The following PRKCE variants were observed in gnomAD, a reference collection of about 807,000 sequenced individuals.
PRKCE encodes protein kinase C epsilon type.
Under a neutral mutation model 85.4 loss-of-function variants are expected in PRKCE, and 16 were observed. The ratio of observed to expected loss-of-function variants is 0.19; its 90% CI spans 0.13 to 0.28. PRKCE has a LOEUF of 0.28. Among genes scored for constraint, PRKCE ranks in the 10% least tolerant of loss-of-function variants. PRKCE has a pLI of 1.00. For missense variants in PRKCE, 573 were observed against 975.2 expected (o/e 0.59, Z 5.49); for synonymous variants, 388 against 371.5 (o/e 1.04, Z -0.51).
intron 2 of PRKCE, among the ~76,000 whole-genome samples, chr2:45,960,645 C>T (rs1334856179): frequency 1.3e-5 from 2 of 152,222 alleles, no homozygotes; most frequent in African/African-American, 4.8e-5. Flanking sequence ...TGCTGTGCAG[C>T]CAGGTTCCTA....
chr2:46,114,144 C>T (rs750300715), intron 11 of PRKCE, among the ~76,000 whole-genome samples: 3 of 152,084 alleles, frequency 2.0e-5, no homozygotes, highest in Non-Finnish European at 4.4e-5. Flanking sequence ...ACAGAAGAAC[C>T]CTGCGGTTCT....
intron 11 of PRKCE, among the ~76,000 whole-genome samples, chr2:46,143,687 C>T (rs1275795835): frequency 2.0e-5 from 3 of 152,212 alleles, no homozygotes; most frequent in Non-Finnish European, 2.9e-5. Flanking sequence ...GCCTTGACCA[C>T]ACACAGTGGC....
chr2:45,877,473 T>C (rs11900867), intron 2 of PRKCE, among the ~76,000 whole-genome samples: 28,619 of 152,094 alleles, frequency 0.19, 3,447 homozygotes, highest in East Asian at 0.42. Flanking sequence ...CTTTCCATAG[T>C]TTATTCTGAA....
chr2:46,026,834 C>T (rs1266518669), intron 10 of PRKCE, among the ~76,000 whole-genome samples: 4 of 152,078 alleles, frequency 2.6e-5, no homozygotes, highest in African/African-American at 9.7e-5. Flanking sequence ...TATAAAACCC[C>T]CAAACAGGCG....
chr2:46,126,420 A>C (rs1241142611), intron 11 of PRKCE, among the ~76,000 whole-genome samples: 1 of 152,042 alleles, frequency 6.6e-6, no homozygotes, highest in African/African-American at 2.4e-5. Flanking sequence ...ACCCCTTAGG[A>C]GGGGCACTGA....
Position 45,960,075 on chromosome 2 carries a change from A to G in PRKCE, c.413-16354A>G, listed in dbSNP as rs570741249. Among the ~76,000 whole-genome samples the G allele has an allele frequency of 3.3e-5, 5 of 152,346 alleles. No homozygotes were observed. The South Asian group carries it at 6.2e-4, about 19-fold the overall frequency. The stretch of plus-strand genomic sequence containing the variant: ...AGCATTTGGGAAGGAAAGTTCACTT[A>G]AAAAATCTTTAGACCACCTGTTAGA... On this transcript the variant is annotated intron_variant, in intron 2 of 14. Coordinates refer to ENST00000306156, the MANE Select transcript of PRKCE (RefSeq NM_005400.3).
chr2:45,886,093 G>A (rs1288331432), intron 2 of PRKCE, among the ~76,000 whole-genome samples: 3 of 152,124 alleles, frequency 2.0e-5, no homozygotes, highest in Non-Finnish European at 2.9e-5. Context: ...CTGACCCCAC[G>A]TTTGCTGGCA....
chr2:45,879,187 G>T (rs532904649), intron 2 of PRKCE, among the ~76,000 whole-genome samples: 1 of 152,334 alleles, frequency 6.6e-6, no homozygotes, highest in East Asian at 1.9e-4. Flanking sequence ...AGAAGAAGCA[G>T]CTGAATGTCA....
At chr2:46,096,565 CACAAGG>C (rs1354018339) in intron 11 of PRKCE, among the ~76,000 whole-genome samples, 2 of 152,130 alleles carry the variant, frequency 1.3e-5, no homozygotes, top group Admixed American at 1.3e-4. Context: ...CACAGACAAG[CACAAGG>C]GAAGACCTTG....
intron 14 of PRKCE, among the ~76,000 whole-genome samples, chr2:46,164,590 C>T (rs985745341): frequency 8.5e-5 from 13 of 152,252 alleles, no homozygotes; most frequent in South Asian, 2.1e-4. Context: ...TGACCCGGGG[C>T]GGGGGGTGCC....
At chr2:45,703,771 A>T (rs1678880268) in intron 1 of PRKCE, among the ~76,000 whole-genome samples, 1 of 152,236 alleles carries the variant, frequency 6.6e-6, no homozygotes, top group Non-Finnish European at 1.5e-5. Context: ...TTTAAAAGAC[A>T]ATAATTGGGC....
chr2:46,120,613 A>C (rs1380851450), intron 11 of PRKCE, among the ~76,000 whole-genome samples: 1 of 152,216 alleles, frequency 6.6e-6, no homozygotes, highest in Non-Finnish European at 1.5e-5. Context: ...CAGGTTTTTC[A>C]GACCCTGGAG....
At position 45,652,097 on chromosome 2, in the gene PRKCE, G is replaced by A. The variant is rs893058632; in HGVS notation, c.-4G>A. The A allele has an allele frequency of 4.7e-6, 3 of 633,678 alleles. No individual in the cohort carries two copies. The highest frequency in any genetic ancestry group is 9.7e-5 in the East Asian group (2 of 20,706). The allele number at this position is 633,678 out of a possible 1,614,324, so 39.3% of individuals were successfully genotyped here. A position where few individuals can be genotyped will look rare whatever the true frequency, so the allele number is the denominator to read the frequency against. On this transcript the variant is annotated 5_prime_UTR_variant, in exon 1 of 15. Transcript: ENST00000306156. This position sits in a 1 kb window ranked among gnomAD's most constrained non-coding sequence, Gnocchi z 7.7. ...GACCCCGGCCCCCACTCCCCGCCCC[G>A]ACCATGGTAGTGTTCAATGGCCTTC...
At chr2:45,795,562 A>G (rs567616388) in intron 1 of PRKCE, among the ~76,000 whole-genome samples, 11 of 152,190 alleles carry the variant, frequency 7.2e-5, no homozygotes, top group South Asian at 6.2e-4. Context: ...CACCCTCCTC[A>G]GCCTTCCAAA....
At chr2:45,968,300 G>C (rs1358729064) in intron 2 of PRKCE, among the ~76,000 whole-genome samples, 1 of 152,094 alleles carries the variant, frequency 6.6e-6, no homozygotes, top group Non-Finnish European at 1.5e-5. Context: ...AATAAAGTAT[G>C]AAATAATGTC....
At chr2:45,940,316 G>C (rs1699783560) in intron 2 of PRKCE, among the ~76,000 whole-genome samples, 1 of 152,214 alleles carries the variant, frequency 6.6e-6, no homozygotes, top group Non-Finnish European at 1.5e-5. Flanking sequence ...GAGTAGGCAA[G>C]ATGAGCTACT....
intron 2 of PRKCE, among the ~76,000 whole-genome samples, chr2:45,955,659 C>T (rs950436838): frequency 6.6e-6 from 1 of 152,084 alleles, no homozygotes; most frequent in Non-Finnish European, 1.5e-5. Context: ...ATCTCAAAAA[C>T]AAACCCCCAC....
At chr2:45,713,454 T>C (rs1299894059) in intron 1 of PRKCE, among the ~76,000 whole-genome samples, 1 of 152,176 alleles carries the variant, frequency 6.6e-6, no homozygotes, top group Non-Finnish European at 1.5e-5. Flanking sequence ...ATTGGGAGGC[T>C]GAGCCCACAG....
chr2:45,715,650 T>C (rs1330509809), intron 1 of PRKCE, among the ~76,000 whole-genome samples: 1 of 152,154 alleles, frequency 6.6e-6, no homozygotes, highest in Non-Finnish European at 1.5e-5. Context: ...AAGTCCCTTT[T>C]AAAAACAACA....
Sources: allele counts gnomAD v4.1 joint callset (sites outside exome capture counted in the v4.1 genomes callset), GRCh38; gene constraint gnomAD v4.1.1; non-coding constraint Gnocchi (gnomAD v3.1); transcripts MANE v1.5; gene names NCBI Gene and HGNC (gene_info 2026-07-23, HGNC 2026-07-21).